The following TRHDE variants were observed in gnomAD, a reference collection of about 807,000 sequenced individuals.
TRHDE encodes thyrotropin-releasing hormone-degrading ectoenzyme.
A neutral mutation model predicts 125.7 loss-of-function variants in TRHDE; 72 were observed. The ratio of observed to expected loss-of-function variants is 0.57; its 90% CI spans 0.47 to 0.70. TRHDE has a LOEUF of 0.70. Among genes scored for constraint, TRHDE ranks in the 30% least tolerant of loss-of-function variants. TRHDE has a pLI of 0.00. For synonymous variants in TRHDE, 509 were observed against 509.1 expected (o/e 1.00, Z 0.00); for missense variants, 1,110 against 1,327.1 (o/e 0.84, Z 2.54).
intron 3 of TRHDE, among the ~76,000 whole-genome samples, chr12:72,378,470 C>T (rs1249750028): frequency 4.6e-5 from 7 of 152,132 alleles, no homozygotes. Flanking sequence ...AGAACATTTT[C>T]CACATAAGGG....
At position 72,194,590 on chromosome 12, in the gene TRHDE, C is replaced by A. The variant is rs1877402802; in HGVS notation, n.279+88838C>A. On this transcript the variant is annotated intron_variant and non_coding_transcript_variant, in intron 2 of 4. Transcript: ENST00000548156. ...TTGCCATCTTTATGTCCATGAGTAC[C>A]CATTGTTTAGCTCCCACTTGTAAGT... 1.3e-5 allele frequency among the ~76,000 whole-genome samples: 2 copies of A among 152,038 alleles called. 1 individual carries two copies. The highest frequency in any genetic ancestry group is 4.1e-4 in the South Asian group (2 of 4,822).
At chr12:72,108,168 A>G (rs982947006) in intron 2 of TRHDE, among the ~76,000 whole-genome samples, 5 of 152,174 alleles carry the variant, frequency 3.3e-5, no homozygotes, top group Admixed American at 6.6e-5. Flanking sequence ...TGACTTGCTC[A>G]GAAAAACAAG....
chr12:72,363,324 G>GAT (rs1871196963), intron 2 of TRHDE, among the ~76,000 whole-genome samples: 2 of 151,098 alleles, frequency 1.3e-5, no homozygotes, highest in East Asian at 3.9e-4. Context: ...AACCAAAAAA[G>GAT]AATTTTAGTC....
At chr12:72,529,531 G>A (rs1165811920) in intron 6 of TRHDE, among the ~76,000 whole-genome samples, 2 of 152,064 alleles carry the variant, frequency 1.3e-5, no homozygotes, top group Non-Finnish European at 2.9e-5. Context: ...TATACAATAT[G>A]TAAAAAGCAC....
intron 2 of TRHDE, among the ~76,000 whole-genome samples, chr12:72,142,535 G>A (rs574119590): frequency 3.3e-5 from 5 of 152,246 alleles, no homozygotes; most frequent in South Asian, 2.1e-4. Context: ...GGGAAATACC[G>A]GGTAGAAGAG....
At chr12:72,349,983 G>T (rs1870507161) in intron 2 of TRHDE, among the ~76,000 whole-genome samples, 1 of 151,948 alleles carries the variant, frequency 6.6e-6, no homozygotes, top group Non-Finnish European at 1.5e-5. Flanking sequence ...ATTCAAGTCT[G>T]TGATATCATT....
At position 72,375,405 on chromosome 12, in the gene TRHDE, C is replaced by G. The variant is rs143441291; in HGVS notation, c.1189-2590C>G. ...TTTTATCTTCTTGCTTAAATTGGAT[C>G]ATTTCCATTAAATCTTGACAAGCAG... On this transcript the variant is annotated intron_variant, in intron 2 of 18. Transcript: ENST00000261180. Among the ~76,000 whole-genome samples the G allele has an allele frequency of 9.6e-4, 146 of 152,244 alleles. 2 individuals carry two copies. The highest frequency in any genetic ancestry group is 7.7e-3 in the East Asian group (40 of 5,162).
At chr12:72,658,059 G>T (rs751068810) in intron 18 of TRHDE, among the ~76,000 whole-genome samples, 2 of 151,954 alleles carry the variant, frequency 1.3e-5, no homozygotes, top group Non-Finnish European at 2.9e-5. Context: ...CACTAACTTG[G>T]TTTCTTTCAC....
Position 72,272,844 on chromosome 12 carries a change from A to C in TRHDE, c.201A>C (p.Ser67=). The change falls in exon 1 of 19, where the codon TCA becomes TCC. Residue 67 remains serine (S), a synonymous_variant. Transcript: ENST00000261180. This position sits in a 1 kb window ranked among gnomAD's most constrained non-coding sequence, Gnocchi z 6.7. ...GGCTCTCCGACCCGTGGGCAGACTC[A>C]GTGGGAGTGCGACCCCGCACCACGG... ...SRGLSDPWAD[S]VGVRPRTTER... is the part of the protein sequence containing the mutation. The C allele has an allele frequency of 6.3e-7, 1 of 1,583,896 alleles. No homozygotes were observed. Among genetic ancestry groups the C allele is most frequent in the Non-Finnish European group, 8.5e-7 (1 of 1,172,760 alleles).
At chr12:72,176,867 G>T (rs535054813) in intron 2 of TRHDE, among the ~76,000 whole-genome samples, 1 of 152,268 alleles carries the variant, frequency 6.6e-6, no homozygotes, top group East Asian at 1.9e-4. Flanking sequence ...GATTTATTTA[G>T]AAGAACAAGT....
chr12:72,134,474 A>G (rs938571134), intron 2 of TRHDE, among the ~76,000 whole-genome samples: 1 of 152,222 alleles, frequency 6.6e-6, no homozygotes, highest in Non-Finnish European at 1.5e-5. Flanking sequence ...TTTCAGCTTC[A>G]GGCCCTCTCA....
intron 10 of TRHDE, among the ~76,000 whole-genome samples, chr12:72,575,024 A>C (rs1282560178): frequency 1.3e-5 from 2 of 152,186 alleles, no homozygotes; most frequent in African/African-American, 4.8e-5. Context: ...GTCAAGAACA[A>C]AAATGCTAAT....
intron 9 of TRHDE, among the ~76,000 whole-genome samples, chr12:72,563,963 C>G (rs1028293038): frequency 6.6e-6 from 1 of 152,100 alleles, no homozygotes; most frequent in Non-Finnish European, 1.5e-5. Flanking sequence ...CTGGAACAGA[C>G]ATTAAGTTTG....
chr12:72,139,057 C>A (rs1876053852), intron 2 of TRHDE, among the ~76,000 whole-genome samples: 1 of 152,146 alleles, frequency 6.6e-6, no homozygotes, highest in African/African-American at 2.4e-5. Flanking sequence ...GCCTCCCTAA[C>A]TAGGGGTTAC....
intron 2 of TRHDE, among the ~76,000 whole-genome samples, chr12:72,235,599 A>G (rs11179123): frequency 0.34 from 52,109 of 152,056 alleles, 9,323 homozygotes; most frequent in Middle Eastern, 0.41. Context: ...TGGTTTGGCC[A>G]ATCTATGAAG....
At chr12:72,495,145 G>A (rs1368346959) in intron 5 of TRHDE, among the ~76,000 whole-genome samples, 1 of 126,496 alleles carries the variant, frequency 7.9e-6, no homozygotes, top group Non-Finnish European at 1.6e-5. Flanking sequence ...CTCTTTCATC[G>A]ACTAAGGGAA....
At chr12:72,207,688 T>G (rs913267083) in intron 2 of TRHDE, among the ~76,000 whole-genome samples, 85 of 152,188 alleles carry the variant, frequency 5.6e-4, no homozygotes, top group Non-Finnish European at 2.4e-4. Flanking sequence ...GCATTGCACT[T>G]ACTCTTCCCT....
intron 17 of TRHDE, among the ~76,000 whole-genome samples, chr12:72,654,437 T>C (rs1000832181): frequency 2.0e-5 from 3 of 152,150 alleles, no homozygotes; most frequent in African/African-American, 7.2e-5. Context: ...TTGAAGGCAC[T>C]CTTCTTCCCA....
chr12:72,302,077 C>T (rs866766901), intron 2 of TRHDE, among the ~76,000 whole-genome samples: 4 of 151,976 alleles, frequency 2.6e-5, no homozygotes, highest in Admixed American at 2.0e-4. Flanking sequence ...GTGAGATGTT[C>T]GTGAAGTACG....
Sources: allele counts gnomAD v4.1 joint callset (sites outside exome capture counted in the v4.1 genomes callset), GRCh38; gene constraint gnomAD v4.1.1; non-coding constraint Gnocchi (gnomAD v3.1); transcripts MANE v1.5; gene names NCBI Gene and HGNC (gene_info 2026-07-23, HGNC 2026-07-21).